Variants in RSF1 observed in about 807,000 individuals in gnomAD.
The protein encoded by RSF1 is remodeling and spacing factor 1.
Under a neutral mutation model 145.2 loss-of-function variants are expected in RSF1, and 13 were observed. The ratio of observed to expected loss-of-function variants is 0.09; its 90% CI spans 0.06 to 0.14. RSF1 has a LOEUF of 0.14. Ranked by LOEUF, RSF1 falls within the 10% of genes least tolerant of loss-of-function variation. The pLI is 1.00. For missense variants in RSF1, 1,517 were observed against 1,718.2 expected, an observed-to-expected ratio of 0.88 and a Z score of 2.07; for synonymous variants, 577 against 592.6, an observed-to-expected ratio of 0.97 and a Z score of 0.38.
At chr11:77,857,461 T>C in the RSF1 span, among the ~76,000 whole-genome samples, 1 of 152,236 alleles carries the variant, frequency 6.6e-6, no homozygotes, top group African/African-American at 2.4e-5. Context: ...TATAGGAATA[T>C]CTACAAATAT....
intron 1 of RSF1, among the ~76,000 whole-genome samples, chr11:77,766,453 T>C (rs1385095436): frequency 6.6e-6 from 1 of 152,148 alleles, no homozygotes; most frequent in Non-Finnish European, 1.5e-5. Context: ...ACAGTCCTTC[T>C]GTCTTTAATG....
chr11:77,681,736 T>G (rs1162193574), intron 11 of RSF1, among the ~76,000 whole-genome samples: 1 of 152,236 alleles, frequency 6.6e-6, no homozygotes, highest in Non-Finnish European at 1.5e-5. Flanking sequence ...TATAGCCTTT[T>G]GCATCTGATG....
chr11:77,859,229 T>C, the RSF1 span, among the ~76,000 whole-genome samples: 2 of 152,234 alleles, frequency 1.3e-5, no homozygotes, highest in African/African-American at 4.8e-5. Flanking sequence ...GATTACCCCA[T>C]ATTAGGGGTC....
intron 1 of RSF1, among the ~76,000 whole-genome samples, chr11:77,778,338 C>G (rs1324936107): frequency 6.6e-6 from 1 of 151,502 alleles, no homozygotes; most frequent in Non-Finnish European, 1.5e-5. Flanking sequence ...CGGTGTTTTA[C>G]TAAGACTGGG....
At chr11:77,674,320 C>T (rs963406400) in intron 14 of RSF1, among the ~76,000 whole-genome samples, 8 of 152,176 alleles carry the variant, frequency 5.3e-5, no homozygotes, top group African/African-American at 1.4e-4. Context: ...TTTCTTGTAG[C>T]GGTTGAGCCT....
intron 2 of RSF1, among the ~76,000 whole-genome samples, chr11:77,752,541 A>T (rs61900164): frequency 0.25 from 38,651 of 151,944 alleles, 5,629 homozygotes; most frequent in South Asian, 0.49. Flanking sequence ...TGGAATGGCA[A>T]TCCATTTTTC....
chr11:77,845,060 A>G, the RSF1 span, among the ~76,000 whole-genome samples: 1 of 152,106 alleles, frequency 6.6e-6, no homozygotes, highest in Non-Finnish European at 1.5e-5. Flanking sequence ...TTTAACTATG[A>G]TATGTCTAGG....
At chr11:77,706,428 AT>A (rs898757938) in intron 5 of RSF1, among the ~76,000 whole-genome samples, 15 of 151,050 alleles carry the variant, frequency 9.9e-5, no homozygotes, top group Admixed American at 5.9e-4. Flanking sequence ...AGCTGTGAGG[AT>A]TTTTTTTTCT....
chr11:77,872,212 G>A, the RSF1 span: 4 of 1,613,766 alleles, frequency 2.5e-6, no homozygotes, highest in Non-Finnish European at 3.4e-6. Context: ...AAGAAACATG[G>A]CATTGATGTG....
At chr11:77,795,556 A>C (rs997809832) in intron 1 of RSF1, among the ~76,000 whole-genome samples, 1 of 152,212 alleles carries the variant, frequency 6.6e-6, no homozygotes, top group Non-Finnish European at 1.5e-5. Flanking sequence ...AGAACTCAGA[A>C]ATAAATATAT....
At chr11:77,856,488 C>T in the RSF1 span, among the ~76,000 whole-genome samples, 1 of 152,138 alleles carries the variant, frequency 6.6e-6, no homozygotes, top group Non-Finnish European at 1.5e-5. Context: ...CTTCCTGGTA[C>T]CAATTTTCTT....
At chr11:77,743,973 TATA>T (rs779137384) in intron 3 of RSF1, among the ~76,000 whole-genome samples, 12 of 152,342 alleles carry the variant, frequency 7.9e-5, no homozygotes, top group Admixed American at 5.9e-4. Flanking sequence ...CATATGATCA[TATA>T]ATATTTGTCC....
intron 1 of RSF1, among the ~76,000 whole-genome samples, chr11:77,797,402 G>C (rs1228527940): frequency 6.6e-6 from 1 of 152,174 alleles, no homozygotes; most frequent in Admixed American, 6.5e-5. Context: ...ACACAAACAA[G>C]TAATGGGGAA....
At chr11:77,727,027 T>C (rs1039273837) in intron 4 of RSF1, among the ~76,000 whole-genome samples, 20 of 152,206 alleles carry the variant, frequency 1.3e-4, no homozygotes, top group African/African-American at 4.6e-4. Context: ...CAATTATACA[T>C]GAGAATAAAA....
chr11:77,686,120 T>A lies in RSF1; in HGVS notation c.2901-961A>T, dbSNP rs148211389. Among the ~76,000 whole-genome samples, 4 of 152,084 alleles carry A rather than the reference T, an allele frequency of 2.6e-5. No homozygotes were observed. In the East Asian group the frequency reaches 7.7e-4, roughly 29 times the overall value. Reference sequence around the variant, plus strand: ...TTGTTGATTTTAATTAAATTACATATTAAAAAAACAGCAGGATGGCTGGGT... The same window carrying A: ...TTGTTGATTTTAATTAAATTACATAATAAAAAAACAGCAGGATGGCTGGGT... On this transcript the variant is annotated intron_variant, in intron 9 of 15. Transcript: ENST00000308488.
At chr11:77,827,362 G>T in the RSF1 span, among the ~76,000 whole-genome samples, 1 of 152,160 alleles carries the variant, frequency 6.6e-6, no homozygotes, top group African/African-American at 2.4e-5. Context: ...TACCTCATGT[G>T]AATCTAGCAA....
intron 1 of RSF1, among the ~76,000 whole-genome samples, chr11:77,779,419 G>C (rs1218266149): frequency 6.8e-6 from 1 of 147,090 alleles, no homozygotes. Context: ...TTTCACTCTT[G>C]TTGCCCAGGC....
chr11:77,835,974 A>G, the RSF1 span, among the ~76,000 whole-genome samples: 2 of 152,198 alleles, frequency 1.3e-5, no homozygotes, highest in Non-Finnish European at 2.9e-5. Context: ...ATTGAAGAAT[A>G]CATGCTGTAG....
the RSF1 span, among the ~76,000 whole-genome samples, chr11:77,845,601 T>C: frequency 5.3e-5 from 8 of 152,112 alleles, no homozygotes; most frequent in Non-Finnish European, 1.0e-4. Context: ...CAGCTCTTTT[T>C]GTATTTTTAG....
Sources: allele counts gnomAD v4.1 joint callset (sites outside exome capture counted in the v4.1 genomes callset), GRCh38; gene constraint gnomAD v4.1.1; transcripts MANE v1.5; gene names NCBI Gene and HGNC (gene_info 2026-07-23, HGNC 2026-07-21).